Variants in SLC35F1 observed in about 807,000 individuals in gnomAD.
SLC35F1 encodes the protein chromosome 6 open reading frame 169.
In SLC35F1, 14 loss-of-function variants were observed where a neutral mutation model predicts 48.7. The ratio of observed to expected loss-of-function variants is 0.29; its 90% CI spans 0.19 to 0.45. SLC35F1 has a LOEUF of 0.45. SLC35F1 is among the 20% of genes least tolerant of loss of function. The pLI, the probability that SLC35F1 is intolerant of heterozygous loss-of-function variation, is 1.00. For synonymous variants in SLC35F1, 190 were observed against 202.2 expected (o/e 0.94, Z 0.51); for missense variants, 404 against 500.0 (o/e 0.81, Z 1.83).
intron 4 of SLC35F1, among the ~76,000 whole-genome samples, chr6:118,269,440 C>T (rs1775822409): frequency 6.6e-6 from 1 of 152,040 alleles, no homozygotes; most frequent in South Asian, 2.1e-4. Context: ...TTAAGACCAG[C>T]CCAGATATAG....
At chr6:118,247,240 AG>A (rs1775519083) in intron 3 of SLC35F1, among the ~76,000 whole-genome samples, 1 of 152,232 alleles carries the variant, frequency 6.6e-6, no homozygotes, top group African/African-American at 2.4e-5. Flanking sequence ...GACAAGGAGA[AG>A]GTTAGGAAAC....
chr6:118,002,673 C>G (rs1777119762), intron 1 of SLC35F1, among the ~76,000 whole-genome samples: 1 of 151,624 alleles, frequency 6.6e-6, no homozygotes, highest in South Asian at 2.1e-4. Context: ...ATAATTTTTT[C>G]AAGGTCATAT....
In SLC35F1 at chr6:118,272,583, A is replaced by AT. The variant is rs200221314; in HGVS notation, c.638-2868dup. Among the ~76,000 whole-genome samples the AT allele has an allele frequency of 5.4e-3, 815 of 151,636 alleles. 6 individuals carry two copies. Among genetic ancestry groups the AT allele is most frequent in the Middle Eastern group, 0.024 (7 of 292 alleles). ...ATAATTTCCAGTTAACTAGATACAA[A>AT]TTTTTTTTCTGCTGCTTATTTTAAT... On this transcript the variant is annotated intron_variant, in intron 4 of 7. Transcript: ENST00000360388.
Position 118,313,969 on chromosome 6 carries a change from T to A in SLC35F1, c.1003-59T>A, listed in dbSNP as rs533642665. The A allele has an allele frequency of 1.4e-4, 210 of 1,505,606 alleles. 3 individuals are homozygous for A. The South Asian group carries it at 2.3e-3, about 16-fold the overall frequency. The allele number at this position is 1,505,606 out of a possible 1,614,324, so 93.3% of individuals were successfully genotyped here. A position where few individuals can be genotyped will look rare whatever the true frequency, so the allele number is the denominator to read the frequency against. ...TCTGCTCATGTTTCTGTGTGCCTCATTAATGTGTCAGTGGTTCTGCCCTGG... is the reference window on the plus strand; with the variant it reads ...TCTGCTCATGTTTCTGTGTGCCTCAATAATGTGTCAGTGGTTCTGCCCTGG... On this transcript the variant is annotated intron_variant, in intron 7 of 7. Coordinates refer to ENST00000360388, the MANE Select transcript of SLC35F1 (RefSeq NM_001029858.4).
chr6:118,176,295 T>C (rs143147825), intron 2 of SLC35F1, among the ~76,000 whole-genome samples: 55 of 152,262 alleles, frequency 3.6e-4, no homozygotes, highest in African/African-American at 1.1e-3. Context: ...GTTCAGTTCA[T>C]TTCCCTTTGA....
intron 1 of SLC35F1, among the ~76,000 whole-genome samples, chr6:118,065,378 C>T (rs1772597865): frequency 6.6e-6 from 1 of 152,058 alleles, no homozygotes; most frequent in Non-Finnish European, 1.5e-5. Flanking sequence ...GGCTGATGGA[C>T]TTATACTGTA....
chr6:117,928,115 T>G (rs955845816), intron 1 of SLC35F1, among the ~76,000 whole-genome samples: 1 of 152,110 alleles, frequency 6.6e-6, no homozygotes, highest in Non-Finnish European at 1.5e-5. Flanking sequence ...GTGAGTGTTT[T>G]CTGAGTAGAA....
chr6:117,965,027 G>A (rs1232291322), intron 1 of SLC35F1, among the ~76,000 whole-genome samples: 1 of 152,156 alleles, frequency 6.6e-6, no homozygotes, highest in Non-Finnish European at 1.5e-5. Flanking sequence ...TGAGTGAGGA[G>A]TCTGACATCT....
chr6:118,200,380 G>A (rs564380088), intron 2 of SLC35F1, among the ~76,000 whole-genome samples: 5 of 152,264 alleles, frequency 3.3e-5, no homozygotes, highest in African/African-American at 9.6e-5. Context: ...AAAATACTAA[G>A]TGGAAACACC....
chr6:118,119,182 G>C lies in SLC35F1; in HGVS notation c.174-35263G>C, dbSNP rs116164507. ...GGAAGCAATGGAGCATAAGTATTCT[G>C]CTTTTTAAAAATTTAAAATAGGATG... is the stretch of plus-strand genomic sequence containing the variant. On this transcript the variant is annotated intron_variant, in intron 1 of 7. Transcript: ENST00000360388. 1.5e-3 allele frequency among the ~76,000 whole-genome samples: 234 copies of C among 152,048 alleles called. 1 individual carries two copies. The highest frequency in any genetic ancestry group is 5.3e-3 in the African/African-American group (220 of 41,488).
At chr6:117,953,803 C>T (rs1371137577) in intron 1 of SLC35F1, among the ~76,000 whole-genome samples, 1 of 152,108 alleles carries the variant, frequency 6.6e-6, no homozygotes, top group Non-Finnish European at 1.5e-5. Flanking sequence ...ATGAAGGTGT[C>T]TAAGTAGGTG....
At chr6:118,211,890 AC>A (rs1432420207) in intron 2 of SLC35F1, among the ~76,000 whole-genome samples, 1 of 152,234 alleles carries the variant, frequency 6.6e-6, no homozygotes, top group Non-Finnish European at 1.5e-5. Context: ...AATTTAATAC[AC>A]AGGCATCCAC....
chr6:117,934,005 G>A (rs2114814403), intron 1 of SLC35F1, among the ~76,000 whole-genome samples: 1 of 152,158 alleles, frequency 6.6e-6, no homozygotes, highest in Non-Finnish European at 1.5e-5. Flanking sequence ...AAAGTTGGCT[G>A]TTGATCATGG....
intron 1 of SLC35F1, among the ~76,000 whole-genome samples, chr6:118,134,909 C>G (rs1416570866): frequency 6.6e-6 from 1 of 152,152 alleles, no homozygotes; most frequent in African/African-American, 2.4e-5. Context: ...TTTCAGCTTT[C>G]CAGAATTAAA....
At chr6:118,031,708 CTGCGAGTA>C in intron 1 of SLC35F1, among the ~76,000 whole-genome samples, 2 of 152,174 alleles carry the variant, frequency 1.3e-5, no homozygotes, top group Non-Finnish European at 2.9e-5. Flanking sequence ...AGGGAGTGTG[CTGCGAGTA>C]GCAGCACAGG....
intron 1 of SLC35F1, among the ~76,000 whole-genome samples, chr6:117,984,150 A>G (rs1027225885): frequency 1.3e-5 from 2 of 152,192 alleles, no homozygotes; most frequent in Non-Finnish European, 2.9e-5. Flanking sequence ...ACTATTATTA[A>G]TGGCAATGCT....
At position 118,237,887 on chromosome 6, in the gene SLC35F1, T is replaced by C. The variant is rs114392472; in HGVS notation, c.477+2251T>C. ...ATTTTGAAGTCTTATTGTATATTTC[T>C]ATGATACATACTAATACACTGAAAA... On this transcript the variant is annotated intron_variant, in intron 3 of 7. Transcript: ENST00000360388. Among the ~76,000 whole-genome samples the C allele has an allele frequency of 1.2e-3, 188 of 152,340 alleles. 1 individual carries two copies. The highest frequency in any genetic ancestry group is 4.3e-3 in the African/African-American group (178 of 41,580).
intron 1 of SLC35F1, among the ~76,000 whole-genome samples, chr6:118,038,621 A>T (rs7748168): frequency 0.29 from 44,385 of 151,274 alleles, 7,226 homozygotes; most frequent in East Asian, 0.48. Flanking sequence ...TAAATATTTT[A>T]TTATTATTAT....
At chr6:117,975,943 G>A (rs1776700143) in intron 1 of SLC35F1, among the ~76,000 whole-genome samples, 1 of 152,128 alleles carries the variant, frequency 6.6e-6, no homozygotes, top group African/African-American at 2.4e-5. Context: ...AGATTATCAC[G>A]TCCTCCACTG....
Sources: gnomAD v4.1 joint callset for allele counts (sites outside exome capture counted in the v4.1 genomes callset) on GRCh38, gnomAD v4.1.1 for gene constraint, MANE v1.5 for transcripts, NCBI Gene and HGNC (gene_info 2026-07-23, HGNC 2026-07-21) for gene names.